ERC1: variants seen among roughly 807,000 people sequenced by gnomAD.
ERC1 encodes ELKS/RAB6-interacting/CAST family member 1.
In ERC1, 56 loss-of-function variants were observed where a neutral mutation model predicts 132.0. That is an observed-to-expected ratio of 0.42 (90% CI 0.34 to 0.53). ERC1 has a LOEUF of 0.53. ERC1 is among the 20% of genes least tolerant of loss of function. ERC1 has a pLI of 0.03. For missense variants in ERC1, 1,202 were observed against 1,349.9 expected (o/e 0.89, Z 1.72); for synonymous variants, 478 against 476.1 (o/e 1.00, Z -0.05).
At chr12:1,424,844 TG>T (rs2092569211) in intron 17 of ERC1, among the ~76,000 whole-genome samples, 3 of 75,694 alleles carry the variant, frequency 4.0e-5, no homozygotes, top group East Asian at 4.6e-4. Flanking sequence ...GATAGATAGA[TG>T]ATAGATAGAT....
chr12:1,163,424 TAA>T (rs1245538839), intron 8 of ERC1, among the ~76,000 whole-genome samples: 2 of 152,202 alleles, frequency 1.3e-5, no homozygotes, highest in Non-Finnish European at 2.9e-5. Flanking sequence ...ACTTCAGATA[TAA>T]GTGATTAAAA....
chr12:1,428,506 A>G (rs2092703028), intron 17 of ERC1, among the ~76,000 whole-genome samples: 1 of 152,102 alleles, frequency 6.6e-6, no homozygotes, highest in Admixed American at 6.5e-5. Context: ...AGAATGTTAT[A>G]TCATGAAGTT....
rs74238839 is a variant in ERC1, at chr12:1,420,891, A to C, written c.3024+12644A>C. 0.011 allele frequency among the ~76,000 whole-genome samples: 856 copies of C among 78,554 alleles called. 41 individuals carry two copies. In the East Asian group the frequency reaches 0.22, roughly 20 times the overall value. 51.5% of individuals were successfully genotyped at this position (78,554 alleles called of 152,430 possible). Reference sequence around the variant, plus strand: ...ATTGGTTTACTTCCCCAAGCCCAGTATTTTTGTTTGTTTGTTTGGTTTTGG... The same window carrying C: ...ATTGGTTTACTTCCCCAAGCCCAGTCTTTTTGTTTGTTTGTTTGGTTTTGG... On this transcript the variant is annotated intron_variant, in intron 17 of 18. Transcript: ENST00000360905.
intron 13 of ERC1, among the ~76,000 whole-genome samples, chr12:1,241,732 T>C (rs1358338287): frequency 6.6e-6 from 1 of 152,114 alleles, no homozygotes; most frequent in East Asian, 1.9e-4. Context: ...ATAGGTATTC[T>C]TTAAAAAAAT....
chr12:996,348 C>T (rs1389144328), intron 1 of ERC1, among the ~76,000 whole-genome samples: 4 of 149,840 alleles, frequency 2.7e-5, no homozygotes, highest in African/African-American at 4.9e-5. Context: ...ATGATCCGCG[C>T]GCCTTGGCCT....
chr12:1,248,318 A>G (rs923850142), intron 13 of ERC1, among the ~76,000 whole-genome samples: 1 of 152,226 alleles, frequency 6.6e-6, no homozygotes, highest in Non-Finnish European at 1.5e-5. Flanking sequence ...TCTCATGGAA[A>G]AACAATAAAA....
At chr12:1,145,056 G>A (rs945651994) in intron 8 of ERC1, among the ~76,000 whole-genome samples, 24 of 151,168 alleles carry the variant, frequency 1.6e-4, no homozygotes, top group African/African-American at 5.3e-4. Context: ...TTGTTCTGCC[G>A]CCCAGGCTGG....
At chr12:1,313,092 C>G (rs2081427668) in intron 15 of ERC1, among the ~76,000 whole-genome samples, 1 of 152,024 alleles carries the variant, frequency 6.6e-6, no homozygotes, top group Admixed American at 6.5e-5. Context: ...TCCATGATAC[C>G]AATGGTTCTG....
At position 1,485,222 on chromosome 12, in the gene ERC1, TG is replaced by T. The variant is rs1241773976; in HGVS notation, c.3214-4870del. 8.0e-3 allele frequency among the ~76,000 whole-genome samples: 1,166 copies of T among 146,642 alleles called. 17 individuals carry two copies. Among genetic ancestry groups the T allele is most frequent in the African/African-American group, 0.027 (1,047 of 39,198 alleles). ...ATTTCTTTTTTTTTTTTTTTTTTTTTGAGACAGAGTCTCGCTCTGTCACCCA... is the reference window on the plus strand; with the variant it reads ...ATTTCTTTTTTTTTTTTTTTTTTTTTAGACAGAGTCTCGCTCTGTCACCCA... On this transcript the variant is annotated intron_variant, in intron 18 of 18. Transcript: ENST00000360905.
At chr12:1,315,938 C>T (rs968633169) in intron 15 of ERC1, among the ~76,000 whole-genome samples, 7 of 152,010 alleles carry the variant, frequency 4.6e-5, no homozygotes, top group African/African-American at 1.4e-4. Context: ...GTCGCCCAGG[C>T]TGGAGTGCAG....
intron 12 of ERC1, among the ~76,000 whole-genome samples, chr12:1,203,629 A>G (rs1304172514): frequency 2.6e-5 from 4 of 152,244 alleles, no homozygotes; most frequent in South Asian, 4.1e-4. Flanking sequence ...TTAAGGTACA[A>G]TTTAGACCAT....
chr12:1,201,008 T>TA (rs1360041718), intron 12 of ERC1, among the ~76,000 whole-genome samples: 2 of 152,216 alleles, frequency 1.3e-5, no homozygotes, highest in African/African-American at 4.8e-5. Flanking sequence ...ATGTACATGT[T>TA]TATATATGCA....
At chr12:1,346,866 C>T (rs1220145010) in intron 15 of ERC1, among the ~76,000 whole-genome samples, 20 of 148,288 alleles carry the variant, frequency 1.3e-4, no homozygotes, top group Admixed American at 1.0e-3. Context: ...GGTGTGAACC[C>T]GGGAAGCGGA....
rs1183878801 is a variant in ERC1 at position 1,408,224 on chromosome 12, A to C, written c.3001A>C (p.Asn1001His). 6.2e-7 allele frequency: 1 copy of C among 1,613,868 alleles called. No homozygotes were observed. The highest frequency in any genetic ancestry group is 1.1e-5 in the South Asian group (1 of 91,006). Residue 1001 changes from asparagine (N) to histidine (H), a missense_variant, in exon 17 of 19, where the codon AAT becomes CAT. Physicochemically the swap from Asn to His is moderately conservative, Grantham distance 68. Transcript: ENST00000360905. ...HFKSSHSNQT[N>H]HKPSPDQIIQ... The stretch of plus-strand genomic sequence containing the variant: ...CAAATCCTCCCATTCCAATCAAACA[A>C]ATCACAAGCCCTCCCCAGACCAGGT...
chr12:1,182,736 A>C (rs1485589553), intron 10 of ERC1, among the ~76,000 whole-genome samples: 1 of 151,042 alleles, frequency 6.6e-6, no homozygotes, highest in African/African-American at 2.4e-5. Context: ...ATCATAGCTC[A>C]CTGCAGTCTT....
intron 7 of ERC1, among the ~76,000 whole-genome samples, chr12:1,127,299 A>G (rs1006052935): frequency 1.3e-5 from 2 of 152,170 alleles, no homozygotes; most frequent in Admixed American, 1.3e-4. Context: ...TCCCAGAAAA[A>G]CTTTCCTGCT....
At chr12:1,427,853 A>G (rs541062854) in intron 17 of ERC1, among the ~76,000 whole-genome samples, 3 of 152,222 alleles carry the variant, frequency 2.0e-5, no homozygotes, top group Non-Finnish European at 4.4e-5. Flanking sequence ...TGAGGGTGAC[A>G]TTGAGGCAGA....
At chr12:1,251,391 A>G (rs1594550226) in intron 13 of ERC1, among the ~76,000 whole-genome samples, 1 of 152,110 alleles carries the variant, frequency 6.6e-6, no homozygotes, top group African/African-American at 2.4e-5. Flanking sequence ...CTTTTTAATA[A>G]AAATTTTTTC....
At chr12:1,401,764 AAAG>A (rs200129565) in intron 16 of ERC1, among the ~76,000 whole-genome samples, 71 of 147,722 alleles carry the variant, frequency 4.8e-4, no homozygotes, top group South Asian at 1.5e-3. Context: ...AAAAAAAAAA[AAAG>A]AGTATTTTTA....
Sources: allele counts gnomAD v4.1 joint callset (sites outside exome capture counted in the v4.1 genomes callset), GRCh38; gene constraint gnomAD v4.1.1; transcripts MANE v1.5; gene names NCBI Gene and HGNC (gene_info 2026-07-23, HGNC 2026-07-21).